DHX30: variants seen among roughly 807,000 people sequenced by gnomAD.
The protein encoded by DHX30 is ATP-dependent RNA helicase DHX30.
In DHX30, 4 loss-of-function variants were observed where a neutral mutation model predicts 116.9. The observed-to-expected ratio is 0.03, with a 90% CI of 0.02 to 0.08. The LOEUF is 0.08. DHX30 is among the 10% of genes least tolerant of loss of function. DHX30 has a pLI of 1.00. For synonymous variants in DHX30, 697 were observed against 651.7 expected, an observed-to-expected ratio of 1.07 and a Z score of -1.06; for missense variants, 871 against 1,595.1, an observed-to-expected ratio of 0.55 and a Z score of 7.73.
intron 1 of DHX30, among the ~76,000 whole-genome samples, chr3:47,804,514 C>A (rs143733567): frequency 6.6e-6 from 1 of 152,192 alleles, no homozygotes; most frequent in African/African-American, 2.4e-5. Context: ...AAGATCGCGC[C>A]ATTTCACCCC....
chr3:47,841,470 G>T, intron 7 of DHX30, 147 bp from the exon 8 acceptor site: 1 of 1,134,958 alleles, frequency 8.8e-7, no homozygotes, highest in Non-Finnish European at 1.2e-6. Flanking sequence ...GGGAGGAGCA[G>T]AGACGCCCGG....
At position 47,848,217 on chromosome 3, in the gene DHX30, A is replaced by G. The variant is rs936244350; in HGVS notation, c.2324A>G (p.Asn775Ser). 1 of 1,613,580 alleles carries G rather than the reference A, an allele frequency of 6.2e-7. No individual in the cohort carries two copies. Among genetic ancestry groups the G allele is most frequent in the African/African-American group, 1.3e-5 (1 of 74,902 alleles). The change falls in exon 15 of 22, where the codon AAT becomes AGT. Residue 775 changes from asparagine to serine, a missense_variant. Coordinates refer to ENST00000445061, the MANE Select transcript of DHX30 (RefSeq NM_138615.3). This position sits in a 1 kb window ranked among gnomAD's most constrained non-coding sequence, Gnocchi z 9.4. ...GAGACAGTGTGGGTATCAAGAGCCA[A>G]TGTGATCCAGCGCCGGGGCCGGGCG... ...CLETVWVSRA[N>S]VIQRRGRAGR...
intron 6 of DHX30, among the ~76,000 whole-genome samples, chr3:47,830,538 C>T (rs1576491627): frequency 6.6e-6 from 1 of 152,036 alleles, no homozygotes; most frequent in African/African-American, 2.4e-5. Flanking sequence ...TGGCCTCAAA[C>T]AGTCCTCCTG....
chr3:47,839,457 G>A (rs2037268122), intron 6 of DHX30, among the ~76,000 whole-genome samples: 1 of 151,530 alleles, frequency 6.6e-6, no homozygotes. Context: ...ACCATGCCCA[G>A]CTGATTTTGT....
chr3:47,831,119 T>TAA (rs1010721528), intron 6 of DHX30: 2 of 140,870 alleles, frequency 1.4e-5, no homozygotes, highest in Non-Finnish European at 1.6e-5. Flanking sequence ...GGTAATGTAT[T>TAA]AAAAAAAAAA....
rs375467261 is a variant in DHX30 at position 47,841,197 on chromosome 3, G to T, written c.668+19G>T. On this transcript the variant is annotated intron_variant, in intron 7 of 21. Coordinates refer to ENST00000445061, the MANE Select transcript of DHX30 (RefSeq NM_138615.3). Reference sequence around the variant, plus strand: ...ACTCAAGGTACAGATGGAGGATGGGGATGCAGCAGAGGCTGGCTGTGCCTT... The same window carrying T: ...ACTCAAGGTACAGATGGAGGATGGGTATGCAGCAGAGGCTGGCTGTGCCTT... The T allele has an allele frequency of 1.2e-6, 2 of 1,611,068 alleles. No homozygotes were observed. The highest frequency in any genetic ancestry group is 1.3e-5 in the African/African-American group (1 of 75,008).
At chr3:47,810,789 C>T (rs931945501) in intron 3 of DHX30, 78 bp downstream of exon 3, 26 of 1,416,280 alleles carry the variant, frequency 1.8e-5, no homozygotes, top group Non-Finnish European at 2.4e-5. Context: ...GAAAGTCTCT[C>T]CCCAGTATGT....
At chr3:47,835,978 TG>T (rs1357251600) in intron 6 of DHX30, among the ~76,000 whole-genome samples, 3 of 152,324 alleles carry the variant, frequency 2.0e-5, no homozygotes, top group South Asian at 2.1e-4. Flanking sequence ...AGGCCAGGAA[TG>T]CTTCTTCCCA....
intron 4 of DHX30, chr3:47,825,215 G>A (rs1314799739): frequency 6.2e-6 from 4 of 641,228 alleles, no homozygotes; most frequent in Admixed American, 2.4e-5. Flanking sequence ...GCCCCCGGCG[G>A]GCCTGGGGAA....
chr3:47,832,627 CT>C (rs1232599849), intron 6 of DHX30, among the ~76,000 whole-genome samples: 229 of 142,582 alleles, frequency 1.6e-3, no homozygotes, highest in Middle Eastern at 3.6e-3. Flanking sequence ...ACATCTAATT[CT>C]TTTTTTTTTT....
chr3:47,827,312 G>A lies in DHX30; in HGVS notation c.125-35G>A, dbSNP rs147452151. The A allele has an allele frequency of 8.8e-3, 13,847 of 1,577,620 alleles. 80 individuals carry two copies. Among genetic ancestry groups the A allele is most frequent in the Non-Finnish European group, 0.011 (12,494 of 1,166,302 alleles). The stretch of plus-strand genomic sequence containing the variant: ...CCCCATGGAGTTTTTAAAAGAAAAA[G>A]AACAACTGTAATGCTTTTGTTCTTA... On this transcript the variant is annotated intron_variant, in intron 4 of 21. Coordinates refer to ENST00000445061, the MANE Select transcript of DHX30 (RefSeq NM_138615.3).
At chr3:47,818,774 G>C (rs1454028853) in intron 4 of DHX30, among the ~76,000 whole-genome samples, 2 of 152,144 alleles carry the variant, frequency 1.3e-5, no homozygotes, top group Non-Finnish European at 2.9e-5. Flanking sequence ...TTCTCCCTCA[G>C]ACTTATTAAT....
chr3:47,829,207 A>T, intron 6 of DHX30, 73 bp downstream of exon 6: 1 of 746,062 alleles, frequency 1.3e-6, no homozygotes, highest in Middle Eastern at 3.7e-4. Context: ...TTATTGGTAG[A>T]GGTTGGCCCA....
intron 4 of DHX30, among the ~76,000 whole-genome samples, chr3:47,823,747 C>T (rs2036406236): frequency 6.6e-6 from 1 of 152,134 alleles, no homozygotes; most frequent in African/African-American, 2.4e-5. Flanking sequence ...CCTGCAAGTA[C>T]CTGTCACCCA....
chr3:47,811,767 A>G (rs953286954), intron 3 of DHX30, among the ~76,000 whole-genome samples: 1 of 152,012 alleles, frequency 6.6e-6, no homozygotes, highest in Admixed American at 6.6e-5. Context: ...GGTGCCACAC[A>G]ATTTAAACAA....
intron 5 of DHX30, among the ~76,000 whole-genome samples, chr3:47,828,043 A>G (rs2036625515): frequency 6.6e-6 from 1 of 151,720 alleles, no homozygotes; most frequent in Admixed American, 6.6e-5. Context: ...TATTTTTTGT[A>G]GAGACCGGTT....
chr3:47,842,054 A>T, intron 8 of DHX30: 2 of 295,888 alleles, frequency 6.8e-6, no homozygotes, highest in Non-Finnish European at 1.3e-5. Flanking sequence ...CTGCCAGGCG[A>T]AGGGGCTTTG....
rs559240930 is a variant in DHX30, at chr3:47,828,915, G to A, written c.256-109G>A. 49 of 681,586 alleles carry A rather than the reference G, an allele frequency of 7.2e-5. No individual in the cohort carries two copies. The East Asian group carries it at 1.3e-3, about 18-fold the overall frequency. 42.2% of individuals were successfully genotyped at this position (681,586 alleles called of 1,614,324 possible). Reference sequence around the variant, plus strand: ...TCAACTCTGAACCTAGCACATTGCTGCTGTGAGGTCTGCTGCTGTGAGGTC... The same window carrying A: ...TCAACTCTGAACCTAGCACATTGCTACTGTGAGGTCTGCTGCTGTGAGGTC... On this transcript the variant is annotated intron_variant, in intron 5 of 21. Coordinates refer to ENST00000445061, the MANE Select transcript of DHX30 (RefSeq NM_138615.3).
intron 10 of DHX30, 134 bp downstream of exon 10, chr3:47,845,986 C>T: frequency 6.8e-7 from 1 of 1,462,628 alleles, no homozygotes; most frequent in Non-Finnish European, 9.2e-7. Context: ...CTGGGATCCC[C>T]CTGGCCTGAA....
Sources: allele counts gnomAD v4.1 joint callset (sites outside exome capture counted in the v4.1 genomes callset), GRCh38; gene constraint gnomAD v4.1.1; non-coding constraint Gnocchi (gnomAD v3.1); transcripts MANE v1.5; gene names NCBI Gene and HGNC (gene_info 2026-07-23, HGNC 2026-07-21).